Variants in SUGP2 observed in about 807,000 individuals in gnomAD.
SUGP2 encodes the protein SURP and G-patch domain containing 2, also known as SURP and G-patch domain-containing protein 2.
Under a neutral mutation model 90.5 loss-of-function variants are expected in SUGP2, and 24 were observed. That is an observed-to-expected ratio of 0.27 (90% CI 0.19 to 0.37). SUGP2 has a LOEUF of 0.37. SUGP2 is among the 10% of genes least tolerant of loss of function. The pLI, the probability that SUGP2 is intolerant of heterozygous loss-of-function variation, is 1.00. For synonymous variants in SUGP2, 473 were observed against 513.4 expected, an observed-to-expected ratio of 0.92 and a Z score of 1.06; for missense variants, 1,233 against 1,363.3, an observed-to-expected ratio of 0.90 and a Z score of 1.51.
chr19:19,006,662 C>T (rs2058087942), intron 6 of SUGP2, among the ~76,000 whole-genome samples: 2 of 152,224 alleles, frequency 1.3e-5, no homozygotes, highest in Non-Finnish European at 2.9e-5. Context: ...CTTATCCAAC[C>T]CTGCCAGAGG....
intron 8 of SUGP2, among the ~76,000 whole-genome samples, chr19:18,995,645 G>C (rs1453149029): frequency 6.6e-6 from 1 of 152,204 alleles, no homozygotes; most frequent in Non-Finnish European, 1.5e-5. Context: ...ACAGGGCGCA[G>C]CCCAGGGAAG....
At chr19:19,005,996 A>C (rs1655826450) in intron 6 of SUGP2, among the ~76,000 whole-genome samples, 1 of 152,124 alleles carries the variant, frequency 6.6e-6, no homozygotes, top group Non-Finnish European at 1.5e-5. Flanking sequence ...TGGGAGGCTG[A>C]GGCAGGCAGA....
intron 4 of SUGP2, among the ~76,000 whole-genome samples, chr19:19,017,863 GC>G (rs1316080428): frequency 6.6e-6 from 1 of 151,548 alleles, no homozygotes; most frequent in East Asian, 1.9e-4. Flanking sequence ...GCAGTTTCAC[GC>G]CCAGATATCA....
At chr19:19,001,824 C>A in intron 7 of SUGP2, 150 bp from the exon 8 acceptor site, 1 of 743,344 alleles carries the variant, frequency 1.3e-6, no homozygotes. Flanking sequence ...AGCCCCAGCT[C>A]CTCTCAAGAA....
In SUGP2 at chr19:19,024,962, G is replaced by A. The variant is rs764890408; in HGVS notation, c.1386C>T (p.Pro462=). The A allele has an allele frequency of 1.2e-6, 2 of 1,614,202 alleles. No homozygotes were observed. Among genetic ancestry groups the A allele is most frequent in the Non-Finnish European group, 1.7e-6 (2 of 1,180,038 alleles). ...TTTCTAGGGCAAGAGCCAAGTCCAG[G>A]GGGTTACTGAGGGTCTTCATCTTGA... ...LSVKMKTLSN[P]LDLALALETT... Residue 462 remains proline, a synonymous_variant, in exon 3 of 11, where the codon CCC becomes CCT. Transcript: ENST00000452918.
In SUGP2 at chr19:18,993,391, A is replaced by C. The variant is rs1157470258; in HGVS notation, c.*350T>G. ...CTTCTGGAGAGCAATGGCCAGTCCAACTGGAAAATCAGCCAGAGGAGCTGG... is the reference window on the plus strand; with the variant it reads ...CTTCTGGAGAGCAATGGCCAGTCCACCTGGAAAATCAGCCAGAGGAGCTGG... On this transcript the variant is annotated 3_prime_UTR_variant, in exon 11 of 11. Transcript: ENST00000452918. 1 of 152,150 alleles carries C rather than the reference A, an allele frequency of 6.6e-6. No individual in the cohort carries two copies. The highest frequency in any genetic ancestry group is 1.5e-5 in the Non-Finnish European group (1 of 68,028). 9.4% of individuals were successfully genotyped at this position (152,150 alleles called of 1,614,324 possible). A position where few individuals can be genotyped will look rare whatever the true frequency, so the allele number is the denominator to read the frequency against.
At chr19:19,027,283 C>A (rs190047178) in intron 2 of SUGP2, among the ~76,000 whole-genome samples, 1 of 151,934 alleles carries the variant, frequency 6.6e-6, no homozygotes, top group East Asian at 1.9e-4. Flanking sequence ...CAATCAGAAT[C>A]GATGACCTAG....
chr19:19,005,234 G>A (rs956242730), intron 6 of SUGP2, among the ~76,000 whole-genome samples: 1 of 152,136 alleles, frequency 6.6e-6, no homozygotes, highest in African/African-American at 2.4e-5. Context: ...CCACAGCTAT[G>A]AAGCTGTGGC....
At chr19:19,012,971 C>A (rs1214471984) in intron 4 of SUGP2, among the ~76,000 whole-genome samples, 7 of 152,026 alleles carry the variant, frequency 4.6e-5, no homozygotes. Flanking sequence ...TCAAGTGATT[C>A]TCCAGCCTCA....
intron 3 of SUGP2, among the ~76,000 whole-genome samples, chr19:19,021,978 CTTT>C (rs1226863094): frequency 2.0e-5 from 3 of 151,878 alleles, no homozygotes; most frequent in Admixed American, 6.6e-5. Context: ...TCCAGCACTT[CTTT>C]TTTTCTTTTT....
rs577390329 is a variant in SUGP2 at position 19,025,873 on chromosome 19, A to T, written c.475T>A (p.Ser159Thr). ...GHPVSQESSW[S>T]QEYSFGPSAV... ...GAGGGACCAAAACTATACTCCTGTG[A>T]CCAAGAGGACTCTTGAGAAACTGGA... The change falls in exon 3 of 11, where the codon TCA (serine) becomes ACA (threonine). Residue 159 changes from serine (S) to threonine (T), a missense_variant. Transcript: ENST00000452918. 1.2e-6 allele frequency: 2 copies of T among 1,614,154 alleles called. No individual in the cohort carries two copies. The highest frequency in any genetic ancestry group is 1.7e-6 in the Non-Finnish European group (2 of 1,180,028).
intron 7 of SUGP2, 60 bp from the exon 8 acceptor site, chr19:19,001,734 G>A: frequency 1.5e-5 from 23 of 1,557,584 alleles, no homozygotes; most frequent in Non-Finnish European, 1.9e-5. Flanking sequence ...ATTACTTAGA[G>A]ACTGAAGATC....
intron 6 of SUGP2, among the ~76,000 whole-genome samples, chr19:19,005,011 C>T (rs1490466970): frequency 6.6e-6 from 1 of 152,178 alleles, no homozygotes; most frequent in Non-Finnish European, 1.5e-5. Context: ...CATTTTGACT[C>T]TGGTTCCTCC....
In SUGP2 at chr19:19,023,141, C is replaced by G. The variant is rs1310225037; in HGVS notation, c.1729+1478G>C. On this transcript the variant is annotated intron_variant, in intron 3 of 10. Coordinates refer to ENST00000452918, the MANE Select transcript of SUGP2 (RefSeq NM_001017392.5). ...AATTAGCAGGTGTACTTAAGTGATT[C>G]ACCAACTTTAGCCAGTCTACAAAAG... Among the ~76,000 whole-genome samples, 3 of 152,146 alleles carry G rather than the reference C, an allele frequency of 2.0e-5. No individual in the cohort carries two copies. In the South Asian group the frequency reaches 6.2e-4, roughly 32 times the overall value.
intron 4 of SUGP2, among the ~76,000 whole-genome samples, chr19:19,010,838 G>A (rs2145493352): frequency 6.6e-6 from 1 of 151,804 alleles, no homozygotes; most frequent in South Asian, 2.1e-4. Flanking sequence ...TGAGCTACAT[G>A]TACTAACAGA....
chr19:19,032,193 C>T (rs2059193838), intron 1 of SUGP2, among the ~76,000 whole-genome samples: 1 of 151,314 alleles, frequency 6.6e-6, no homozygotes, highest in African/African-American at 2.4e-5. Context: ...GAGACTCTCC[C>T]TGTTGCCCAG....
intron 2 of SUGP2, among the ~76,000 whole-genome samples, chr19:19,027,534 G>A (rs975826368): frequency 6.6e-6 from 1 of 152,184 alleles, no homozygotes; most frequent in Non-Finnish European, 1.5e-5. Flanking sequence ...TCAGATGCAA[G>A]TTAAGTACCA....
chr19:18,996,223 C>T (rs578004834), intron 8 of SUGP2, among the ~76,000 whole-genome samples: 44 of 152,172 alleles, frequency 2.9e-4, no homozygotes, highest in African/African-American at 1.0e-3. Flanking sequence ...GTGGCAAAAC[C>T]CCGTCTCTAC....
intron 4 of SUGP2, among the ~76,000 whole-genome samples, chr19:19,018,118 C>T (rs1202021291): frequency 1.3e-5 from 2 of 151,870 alleles, no homozygotes; most frequent in Non-Finnish European, 2.9e-5. Flanking sequence ...ACCCTCACAC[C>T]CCACAAGCAT....
Sources: gnomAD v4.1 joint callset for allele counts (sites outside exome capture counted in the v4.1 genomes callset) on GRCh38, gnomAD v4.1.1 for gene constraint, MANE v1.5 for transcripts, NCBI Gene and HGNC (gene_info 2026-07-23, HGNC 2026-07-21) for gene names.